NOL6: variants seen among roughly 807,000 people sequenced by gnomAD.
NOL6 encodes nucleolar RNA-associated protein.
NOL6 carries 33 observed loss-of-function variants against 131.7 expected under a neutral mutation model. That is an observed-to-expected ratio of 0.25 (90% CI 0.19 to 0.33). The LOEUF is 0.33. Ranked by LOEUF, NOL6 falls within the 10% of genes least tolerant of loss-of-function variation. The pLI, the probability that NOL6 is intolerant of heterozygous loss-of-function variation, is 1.00. For missense variants in NOL6, 1,297 were observed against 1,494.5 expected (o/e 0.87, Z 2.18); for synonymous variants, 580 against 605.7 (o/e 0.96, Z 0.62).
chr9:33,468,967 C>T lies in NOL6; in HGVS notation c.1017G>A (p.Glu339=). 6.2e-7 allele frequency: 1 copy of T among 1,614,086 alleles called. No individual in the cohort carries two copies. Among genetic ancestry groups the T allele is most frequent in the Non-Finnish European group, 8.5e-7 (1 of 1,179,968 alleles). ...ALLKVWLRQR[E]LDKGQGGFTG... is the part of the protein sequence containing the mutation. ...GCCACCCCCAACTCACCTTGTCCAG[C>T]TCCCGCTGCCGCAGCCAGACCTTCA... Residue 339 remains glutamate, a synonymous_variant, in exon 7 of 26, where the codon GAG becomes GAA. Transcript: ENST00000297990.
rs1827197155 is a variant in NOL6, at chr9:33,464,892, A to G, written c.2766T>C (p.Asn922=). The change falls in exon 21 of 26, where the codon AAT becomes AAC. Residue 922 remains asparagine, a synonymous_variant. Transcript: ENST00000297990. The part of the protein sequence containing the change: ...WKNNPLFVNL[N]NELTVEEQVE... ...TCTACCACTTACCAGTGAGCTCATT[A>G]TTGAGGTTGACAAAGAGGGGGTTGT... The G allele has an allele frequency of 1.2e-6, 2 of 1,612,888 alleles. No homozygotes were observed. Among genetic ancestry groups the G allele is most frequent in the African/African-American group, 2.7e-5 (2 of 74,998 alleles).
rs535329745 is a variant in NOL6, at chr9:33,470,207, C to A, written c.379-16G>T. On this transcript the variant is annotated splice_polypyrimidine_tract_variant and intron_variant, in intron 3 of 25. Coordinates refer to ENST00000297990, the MANE Select transcript of NOL6 (RefSeq NM_022917.5). The stretch of plus-strand genomic sequence containing the variant: ...GGTCAGTGAGCTGTGGGGGCAGAGA[C>A]AGGGACACATACTGATTCAACTGCC... The A allele has an allele frequency of 6.4e-7, 1 of 1,552,940 alleles. No individual in the cohort carries two copies. The highest frequency in any genetic ancestry group is 8.7e-7 in the Non-Finnish European group (1 of 1,144,684).
intron 6 of NOL6, 31 bp from the exon 7 acceptor site, chr9:33,469,152 A>G (rs750262240): frequency 6.2e-7 from 1 of 1,614,022 alleles, no homozygotes; most frequent in Non-Finnish European, 8.5e-7. Flanking sequence ...CCATGAGAGG[A>G]AAAGTCCCCA....
At chr9:33,469,970 A>G (rs756162552) in intron 4 of NOL6, 42 bp downstream of exon 4, 1 of 1,489,728 alleles carries the variant, frequency 6.7e-7, no homozygotes, top group Non-Finnish European at 9.0e-7. Flanking sequence ...ATTTGTAGGT[A>G]GTCAGGTGGT....
At position 33,472,282 on chromosome 9, in the gene NOL6, T is replaced by C. The variant is rs771996628; in HGVS notation, c.185A>G (p.Lys62Arg). The change falls in exon 2 of 26, where the codon AAG becomes AGG. Residue 62 changes from lysine to arginine, a missense_variant. Lys to Arg is a conservative substitution (Grantham distance 26). Coordinates refer to ENST00000297990, the MANE Select transcript of NOL6 (RefSeq NM_022917.5). ...ATTAAGCTCCTCATTGGTAGGCTCCTTGTACAGTTCTGCCCTGCTGAGCTT... is the reference window on the plus strand; with the variant it reads ...ATTAAGCTCCTCATTGGTAGGCTCCCTGTACAGTTCTGCCCTGCTGAGCTT... The part of the protein sequence containing the change: ...PVKLSRAELY[K>R]EPTNEELNRL... 3 of 1,614,246 alleles carry C rather than the reference T, an allele frequency of 1.9e-6. No homozygotes were observed. In the South Asian group the frequency reaches 3.3e-5, roughly 18 times the overall value.
At chr9:33,468,713 G>A (rs750621916) in intron 8 of NOL6, 39 bp downstream of exon 8, 6 of 1,613,324 alleles carry the variant, frequency 3.7e-6, no homozygotes, top group African/African-American at 1.3e-5. Context: ...TTCCCAGGAG[G>A]AGTGGAGCCC....
At position 33,465,384 on chromosome 9, in the gene NOL6, C is replaced by T. The variant is rs200485181; in HGVS notation, c.2529-25G>A. Reference sequence around the variant, plus strand: ...TCTGCAGAGAGAAGGGGAGTGTCAGCGAGACTCAGGGCCCCACTGCCACTG... The same window carrying T: ...TCTGCAGAGAGAAGGGGAGTGTCAGTGAGACTCAGGGCCCCACTGCCACTG... On this transcript the variant is annotated intron_variant, in intron 19 of 25. Coordinates refer to ENST00000297990, the MANE Select transcript of NOL6 (RefSeq NM_022917.5). 360 of 1,564,786 alleles carry T rather than the reference C, an allele frequency of 2.3e-4. 1 individual carries two copies. The Middle Eastern group carries it at 2.7e-3, about 12-fold the overall frequency.
Position 33,462,313 on chromosome 9 carries a change from T to C in NOL6, c.*351A>G, listed in dbSNP as rs1827115139. On this transcript the variant is annotated 3_prime_UTR_variant, in exon 26 of 26. Coordinates refer to ENST00000297990, the MANE Select transcript of NOL6 (RefSeq NM_022917.5). ...TCTCCCAGGCACACATCCCCTTCTC[T>C]GTTTCTGGAAGAAGACTAAGAAAGG... 2 of 697,110 alleles carry C rather than the reference T, an allele frequency of 2.9e-6. No individual in the cohort carries two copies. The highest frequency in any genetic ancestry group is 4.1e-5 in the Admixed American group (2 of 48,592). 43.2% of individuals were successfully genotyped at this position (697,110 alleles called of 1,614,324 possible). A position where few individuals can be genotyped will look rare whatever the true frequency, so the allele number is the denominator to read the frequency against.
chr9:33,469,165 C>A (rs371666044), intron 6 of NOL6, 42 bp downstream of exon 6: 294 of 1,613,986 alleles, frequency 1.8e-4, no homozygotes, highest in Middle Eastern at 1.6e-4. Context: ...AGTCCCCACA[C>A]CTCTTCCCTC....
rs766821612 is a variant in NOL6, at chr9:33,469,538, C to T, written c.688G>A (p.Gly230Ser). ...AACAGTGAGGGTTTCAGGTGGCAGCCATTTGTGTAGGAGAAGCAAACACTG... is the reference window on the plus strand; with the variant it reads ...AACAGTGAGGGTTTCAGGTGGCAGCTATTTGTGTAGGAGAAGCAAACACTG... ...FGSVCFSYTN[G>S]CHLKPSLLLR... The change falls in exon 5 of 26, where the codon GGC (glycine) becomes AGC (serine). Residue 230 changes from glycine (G) to serine (S), a missense_variant. Transcript: ENST00000297990. 2 of 1,610,220 alleles carry T rather than the reference C, an allele frequency of 1.2e-6. No individual in the cohort carries two copies. Among genetic ancestry groups the T allele is most frequent in the South Asian group, 2.2e-5 (2 of 90,630 alleles).
At chr9:33,466,859 TCC>T (rs1416771527) in intron 15 of NOL6, 51 bp downstream of exon 15, 15 of 1,592,128 alleles carry the variant, frequency 9.4e-6, no homozygotes, top group African/African-American at 1.3e-5. Context: ...GAGGACTCTC[TCC>T]CCGCAGATTG....
Position 33,467,058 on chromosome 9 carries a change from C to T in NOL6, c.1874+56G>A. The T allele has an allele frequency of 6.2e-7, 1 of 1,613,118 alleles. No homozygotes were observed. Among genetic ancestry groups the T allele is most frequent in the South Asian group, 1.1e-5 (1 of 91,060 alleles). ...CTCGCTCAACTGCCTGGGCCAGACC[C>T]CTGAAAAGGCTCCCCAGCCCACACT... is the stretch of plus-strand genomic sequence containing the variant. On this transcript the variant is annotated intron_variant, in intron 14 of 25. Transcript: ENST00000297990. The surrounding 1 kb of genome is among the most constrained non-coding windows in gnomAD (Gnocchi z 4.4).
intron 3 of NOL6, 109 bp from the exon 4 acceptor site, chr9:33,470,300 C>A (rs1827374358): frequency 1.0e-6 from 1 of 981,542 alleles, no homozygotes; most frequent in Non-Finnish European, 1.4e-6. Context: ...ACCAAACTCC[C>A]AATCTTCCCA....
At chr9:33,469,397 C>T in intron 5 of NOL6, 56 bp from the exon 6 acceptor site, 1 of 1,611,912 alleles carries the variant, frequency 6.2e-7, no homozygotes, top group Non-Finnish European at 8.5e-7. Context: ...CCAGAGGGCT[C>T]CCCATCCTGT....
chr9:33,467,036 G>A lies in NOL6; in HGVS notation c.1875-49C>T, dbSNP rs371891385. 2.5e-5 allele frequency: 41 copies of A among 1,613,646 alleles called. No individual in the cohort carries two copies. The highest frequency in any genetic ancestry group is 2.1e-4 in the African/African-American group (16 of 75,012). The stretch of plus-strand genomic sequence containing the variant: ...TGAGAAAATTTGGGGCTATGTTCTC[G>A]CTCAACTGCCTGGGCCAGACCCCTG... On this transcript the variant is annotated intron_variant, in intron 14 of 25. Coordinates refer to ENST00000297990, the MANE Select transcript of NOL6 (RefSeq NM_022917.5). This position sits in a 1 kb window ranked among gnomAD's most constrained non-coding sequence, Gnocchi z 4.4.
Position 33,472,078 on chromosome 9 carries a change from T to C in NOL6, c.304A>G (p.Lys102Glu), listed in dbSNP as rs775510798. The change falls in exon 3 of 26, where the codon AAG (lysine) becomes GAG (glutamate). Residue 102 changes from lysine (K) to glutamate (E), a missense_variant. By Grantham distance (56) the Lys-to-Glu change is moderately conservative (BLOSUM62 1). Coordinates refer to ENST00000297990, the MANE Select transcript of NOL6 (RefSeq NM_022917.5). ...CGTAGGAAGGCATCAATCCGATCCT[T>C]CTTCTTCTCTGACAGCCTTACTTCC... ...LKEVRLSEKKKDRIDAFLREV... is the reference protein window; with the variant it reads ...LKEVRLSEKKEDRIDAFLREV... 2.4e-5 allele frequency: 38 copies of C among 1,613,244 alleles called. No individual in the cohort carries two copies. Among genetic ancestry groups the C allele is most frequent in the Non-Finnish European group, 3.1e-5 (36 of 1,179,686 alleles).
In NOL6 at chr9:33,465,223, G is replaced by T. The variant is rs1827206362; in HGVS notation, c.2665C>A (p.Pro889Thr). The T allele has an allele frequency of 6.3e-7, 1 of 1,596,404 alleles. No homozygotes were observed. The highest frequency in any genetic ancestry group is 1.7e-5 in the Admixed American group (1 of 57,552). ...GGGAATCACCTCGGAGGGGTGAAGG[G>T]CTCAGGGTGCAGGAAAAGGGCAGCG... ...VAAALFLHPEPFTPPSSPQVG... is the reference protein window; with the variant it reads ...VAAALFLHPETFTPPSSPQVG... Residue 889 changes from proline (P) to threonine (T), a missense_variant, in exon 20 of 26, where the codon CCC (proline) becomes ACC (threonine). By Grantham distance (38) the Pro-to-Thr change is conservative. Transcript: ENST00000297990.
At chr9:33,470,611 GA>G (rs1257403853) in intron 3 of NOL6, 1 of 152,818 alleles carries the variant, frequency 6.5e-6, no homozygotes, top group East Asian at 1.9e-4. Flanking sequence ...CGTGAACCCG[GA>G]AGGCGGAGCA....
Position 33,467,429 on chromosome 9 carries a change from C to T in NOL6, c.1690G>A (p.Val564Ile), listed in dbSNP as rs200677942. The change falls in exon 13 of 26, where the codon GTC becomes ATC. Residue 564 changes from valine to isoleucine, a missense_variant. Physicochemically the swap from Val to Ile is conservative, Grantham distance 29 (BLOSUM62 3). Coordinates refer to ENST00000297990, the MANE Select transcript of NOL6 (RefSeq NM_022917.5). This position sits in a 1 kb window ranked among gnomAD's most constrained non-coding sequence, Gnocchi z 4.4. ...TCTGCCTCTGGACCCAGCTCAAGGACGCTGGTCAGTCCCTCAGGCCGGAGA... is the reference window on the plus strand; with the variant it reads ...TCTGCCTCTGGACCCAGCTCAAGGATGCTGGTCAGTCCCTCAGGCCGGAGA... ...LLLRPEGLTS[V>I]LELGPEADQP... 2.1e-5 allele frequency: 34 copies of T among 1,614,084 alleles called. No homozygotes were observed. Among genetic ancestry groups the T allele is most frequent in the Admixed American group, 1.0e-4 (6 of 60,010 alleles).
Sources: gnomAD v4.1 joint callset for allele counts on GRCh38, gnomAD v4.1.1 for gene constraint, Gnocchi (gnomAD v3.1) non-coding constraint, MANE v1.5 for transcripts, NCBI Gene and HGNC (gene_info 2026-07-23, HGNC 2026-07-21) for gene names.